MEGF11: variants seen among roughly 807,000 people sequenced by gnomAD.
MEGF11 encodes multiple epidermal growth factor-like domains protein 11.
In MEGF11, 126 loss-of-function variants were observed where a neutral mutation model predicts 146.6. The ratio of observed to expected loss-of-function variants is 0.86; its 90% confidence interval spans 0.74 to 1.00. The LOEUF is 1.00. Ranked by LOEUF, MEGF11 falls within the 50% of genes least tolerant of loss-of-function variation. The pLI is 0.00. For missense variants in MEGF11, 1,509 were observed against 1,521.2 expected (o/e 0.99, Z 0.13); for synonymous variants, 532 against 583.4 (o/e 0.91, Z 1.27).
In MEGF11 at chr15:66,235,736, C is replaced by T. The variant is rs2092075486; in HGVS notation, c.-9+17869G>A. On this transcript the variant is annotated intron_variant, in intron 1 of 25. Transcript: ENST00000395614. Reference sequence around the variant, plus strand: ...TCCTCCTACAGGATCCTGGAAGCGTCCCAAGACTGCCCGGGCTCCCACATC... The same window carrying T: ...TCCTCCTACAGGATCCTGGAAGCGTTCCAAGACTGCCCGGGCTCCCACATC... Among the ~76,000 whole-genome samples, 3 of 152,234 alleles carry T rather than the reference C, an allele frequency of 2.0e-5. No homozygotes were observed. In the South Asian group the frequency reaches 6.2e-4, roughly 32 times the overall value.
intron 1 of MEGF11, among the ~76,000 whole-genome samples, chr15:66,244,941 G>A (rs568370453): frequency 6.2e-4 from 95 of 152,224 alleles, no homozygotes; most frequent in Middle Eastern, 6.8e-3. Context: ...ATCCAACTGG[G>A]AAGACAATAA....
chr15:65,994,028 G>T (rs1193309617), intron 5 of MEGF11, among the ~76,000 whole-genome samples: 1 of 152,174 alleles, frequency 6.6e-6, no homozygotes, highest in Non-Finnish European at 1.5e-5. Flanking sequence ...TGTGACAGGG[G>T]CCCCGGACCT....
Position 66,163,911 on chromosome 15 carries a change from G to A in MEGF11, c.-8-35500C>T, listed in dbSNP as rs185545810. 1.5e-4 allele frequency among the ~76,000 whole-genome samples: 23 copies of A among 152,310 alleles called. 1 individual carries two copies. Among genetic ancestry groups the A allele is most frequent in the Admixed American group, 1.2e-3 (19 of 15,306 alleles). ...CTTGTGCCACCGTTTTAATTCCAGT[G>A]ATGTGGGTGGAGGGCAAGAGAGAAT... On this transcript the variant is annotated intron_variant, in intron 1 of 25. Transcript: ENST00000395614.
At chr15:66,109,652 G>C (rs1023539490) in intron 4 of MEGF11, among the ~76,000 whole-genome samples, 1 of 152,166 alleles carries the variant, frequency 6.6e-6, no homozygotes, top group East Asian at 1.9e-4. Flanking sequence ...CTCTCCGGCC[G>C]GCTGAGGTCT....
chr15:66,019,396 A>T (rs2083017924), intron 5 of MEGF11, among the ~76,000 whole-genome samples: 1 of 152,274 alleles, frequency 6.6e-6, no homozygotes. Flanking sequence ...AAATGTATTC[A>T]GCAAGTGTAT....
At chr15:66,059,400 C>A (rs111888810) in intron 5 of MEGF11, among the ~76,000 whole-genome samples, 1 of 152,206 alleles carries the variant, frequency 6.6e-6, no homozygotes, top group African/African-American at 2.4e-5. Flanking sequence ...GGTCCTCATT[C>A]GGCTAATTGG....
intron 15 of MEGF11, among the ~76,000 whole-genome samples, chr15:65,919,691 T>C (rs1374486520): frequency 6.6e-6 from 1 of 152,186 alleles, no homozygotes; most frequent in Non-Finnish European, 1.5e-5. Flanking sequence ...AGTGCAGTGG[T>C]GCAATCTCGG....
intron 24 of MEGF11, among the ~76,000 whole-genome samples, chr15:65,900,776 G>C (rs1399425748): frequency 2.6e-5 from 4 of 152,218 alleles, no homozygotes; most frequent in Non-Finnish European, 2.9e-5. Flanking sequence ...GAAGTAGAGA[G>C]GGATATTGGC....
At chr15:66,067,859 G>A (rs1295222327) in intron 5 of MEGF11, among the ~76,000 whole-genome samples, 1 of 152,174 alleles carries the variant, frequency 6.6e-6, no homozygotes, top group Admixed American at 6.5e-5. Context: ...GAGACAGCAG[G>A]GCTAAGCATT....
intron 3 of MEGF11, among the ~76,000 whole-genome samples, chr15:66,123,671 T>C (rs1259636796): frequency 6.6e-6 from 1 of 152,116 alleles, no homozygotes; most frequent in Non-Finnish European, 1.5e-5. Flanking sequence ...CATCTCCCCA[T>C]CCCTGGTTGA....
chr15:65,912,154 G>A lies in MEGF11; in HGVS notation c.2757C>T (p.Ser919=). Residue 919 remains serine, a synonymous_variant, in exon 21 of 26, where the codon AGC becomes AGT. Transcript: ENST00000395614. ...SSHAHCFSNS[S]YHALACGGPA... is the part of the protein sequence containing the mutation. ...GCCCCCCACATGCCAGTGCGTGGTA[G>A]CTGGAATTGGAAAAGCAGTGGGCAT... 1 of 1,232,272 alleles carries A rather than the reference G, an allele frequency of 8.1e-7. No individual in the cohort carries two copies. Among genetic ancestry groups the A allele is most frequent in the Non-Finnish European group, 1.0e-6 (1 of 988,070 alleles). The allele number at this position is 1,232,272 out of a possible 1,614,324, so 76.3% of individuals were successfully genotyped here. A position where few individuals can be genotyped will look rare whatever the true frequency, so the allele number is the denominator to read the frequency against.
At chr15:66,165,223 C>G (rs1317880567) in intron 1 of MEGF11, among the ~76,000 whole-genome samples, 1 of 152,136 alleles carries the variant, frequency 6.6e-6, no homozygotes, top group Non-Finnish European at 1.5e-5. Context: ...GGGTTTGAAT[C>G]CTGCTTCCAC....
intron 1 of MEGF11, among the ~76,000 whole-genome samples, chr15:66,242,325 C>A (rs2140241715): frequency 6.6e-6 from 1 of 151,014 alleles, no homozygotes; most frequent in Non-Finnish European, 1.5e-5. Context: ...CAAAGGATTG[C>A]TTGAGCCTGG....
chr15:66,056,169 G>T (rs2084666976), intron 5 of MEGF11, among the ~76,000 whole-genome samples: 1 of 151,946 alleles, frequency 6.6e-6, no homozygotes, highest in East Asian at 1.9e-4. Context: ...TGGGAGAAGT[G>T]CTGGTCTAGT....
chr15:65,928,149 T>G (rs1455083033), intron 13 of MEGF11, among the ~76,000 whole-genome samples: 1 of 152,222 alleles, frequency 6.6e-6, no homozygotes, highest in African/African-American at 2.4e-5. Context: ...CTCCATCATA[T>G]TCTCTAGATT....
chr15:65,982,330 A>G lies in MEGF11; in HGVS notation c.553T>C (p.Cys185Arg). 1.3e-6 allele frequency: 2 copies of G among 1,531,420 alleles called. No individual in the cohort carries two copies. The highest frequency in any genetic ancestry group is 1.8e-6 in the Non-Finnish European group (2 of 1,140,052). The allele number at this position is 1,531,420 out of a possible 1,614,324, so 94.9% of individuals were successfully genotyped here. A position where few individuals can be genotyped will look rare whatever the true frequency, so the allele number is the denominator to read the frequency against. ...TGTCGGCACTGGCACGGCAGCTGGC[A>G]TCCCTTGCCGTGGGTGCCAGGTGCG... Reference protein sequence around the residue: ...LCAPGTHGKGCQLPCQCRHGA... With the variant: ...LCAPGTHGKGRQLPCQCRHGA... Residue 185 changes from cysteine to arginine, a missense_variant, in exon 6 of 26, where the codon TGC becomes CGC. Transcript: ENST00000395614. This position sits in a 1 kb window ranked among gnomAD's most constrained non-coding sequence, Gnocchi z 5.6.
chr15:66,101,801 C>T (rs2086821064), intron 4 of MEGF11, among the ~76,000 whole-genome samples: 1 of 152,148 alleles, frequency 6.6e-6, no homozygotes, highest in African/African-American at 2.4e-5. Context: ...AATGCTGAGC[C>T]CCAAATCCCT....
intron 10 of MEGF11, among the ~76,000 whole-genome samples, 162 bp from the exon 11 acceptor site, chr15:65,931,105 G>A (rs1408286987): frequency 2.0e-5 from 3 of 152,306 alleles, no homozygotes; most frequent in Admixed American, 6.5e-5. Context: ...TTGCAGGTGC[G>A]ATTACGGACC....
At position 65,997,976 on chromosome 15, in the gene MEGF11, C is replaced by T. The variant is rs529632117; in HGVS notation, c.395-15488G>A. On this transcript the variant is annotated intron_variant, in intron 5 of 25. Coordinates refer to ENST00000395614, the MANE Select transcript of MEGF11 (RefSeq NM_001385028.1). ...TGCTTTCTAGGAAGAAGAAAGGGCC[C>T]GGGCAGATGTCCCGGGGTGGGGAAA... Among the ~76,000 whole-genome samples the T allele has an allele frequency of 7.9e-5, 12 of 151,786 alleles. No individual in the cohort carries two copies. In the South Asian group the frequency reaches 1.0e-3, roughly 13 times the overall value.
Sources: allele counts gnomAD v4.1 joint callset (sites outside exome capture counted in the v4.1 genomes callset), GRCh38; gene constraint gnomAD v4.1.1; non-coding constraint Gnocchi (gnomAD v3.1); transcripts MANE v1.5; gene names NCBI Gene and HGNC (gene_info 2026-07-23, HGNC 2026-07-21).